The following PUS7 variants were observed in gnomAD, a reference collection of about 807,000 sequenced individuals.
PUS7 encodes pseudouridine synthase 7, also known as pseudouridylate synthase 7 homolog.
In PUS7, 48 loss-of-function variants were observed where a neutral mutation model predicts 79.8. That is an observed-to-expected ratio of 0.60 (90% CI 0.48 to 0.76). PUS7 has a LOEUF of 0.76. PUS7 is among the 30% of genes least tolerant of loss of function. The probability of loss-of-function intolerance (pLI) is 0.00; values close to 1 mark genes in which losing one functional copy is unlikely to be tolerated. For missense variants in PUS7, 729 were observed against 797.6 expected (o/e 0.91, Z 1.04); for synonymous variants, 286 against 272.2 (o/e 1.05, Z -0.50).
At chr7:105,505,895 A>T in intron 4 of PUS7, 60 bp downstream of exon 4, 4 of 1,318,236 alleles carry the variant, frequency 3.0e-6, no homozygotes, top group Non-Finnish European at 4.3e-6. Flanking sequence ...AACACTTAAC[A>T]TCCACCCAAA....
chr7:105,476,265 T>C (rs952869309), intron 9 of PUS7, among the ~76,000 whole-genome samples: 3 of 152,188 alleles, frequency 2.0e-5, no homozygotes, highest in Non-Finnish European at 4.4e-5. Context: ...ATGCTGCTAT[T>C]ATGAACATGA....
intron 7 of PUS7, among the ~76,000 whole-genome samples, chr7:105,487,036 G>A (rs1477230712): frequency 6.6e-6 from 1 of 151,630 alleles, no homozygotes; most frequent in African/African-American, 2.4e-5. Context: ...ACTCCAGCCT[G>A]GATAACAGAA....
intron 6 of PUS7, among the ~76,000 whole-genome samples, chr7:105,492,052 C>CAACAAAAAAAAAAAA (rs1824804326): frequency 8.5e-6 from 1 of 117,180 alleles, no homozygotes. Flanking sequence ...GACTCCGTCT[C>CAACAAAAAAAAAAAA]AAAAAAAAAA....
intron 5 of PUS7, chr7:105,497,060 G>A (rs776045483): frequency 4.8e-5 from 48 of 999,050 alleles, no homozygotes; most frequent in African/African-American, 2.7e-4. Context: ...GCAAATGATC[G>A]CATGGTTAAG....
chr7:105,472,920 C>CTTTTT (rs758552553), intron 9 of PUS7, among the ~76,000 whole-genome samples: 2 of 116,378 alleles, frequency 1.7e-5, no homozygotes, highest in African/African-American at 3.3e-5. Flanking sequence ...TGCCCAGCTA[C>CTTTTT]TTTTTTTTTT....
At chr7:105,475,359 A>G (rs1417344635) in intron 9 of PUS7, among the ~76,000 whole-genome samples, 6 of 151,264 alleles carry the variant, frequency 4.0e-5, no homozygotes, top group African/African-American at 9.7e-5. Context: ...CTAATTTTTT[A>G]TATTGTTAGT....
At chr7:105,465,628 T>G (rs818457) in intron 12 of PUS7, among the ~76,000 whole-genome samples, 133,793 of 152,030 alleles carry the variant, frequency 0.88, 60,100 homozygotes, top group South Asian at 0.97. Context: ...AGGTTGGGAG[T>G]TCGAGACCAG....
intron 7 of PUS7, among the ~76,000 whole-genome samples, chr7:105,488,992 C>T (rs1291235549): frequency 2.0e-5 from 3 of 151,752 alleles, no homozygotes; most frequent in Non-Finnish European, 2.9e-5. Flanking sequence ...ACTAAAAATA[C>T]AAGAAATTAG....
chr7:105,514,324 G>T (rs148722891), intron 1 of PUS7, among the ~76,000 whole-genome samples: 20,718 of 151,522 alleles, frequency 0.14, 1,814 homozygotes, highest in South Asian at 0.26. Context: ...AAAAAAGCTG[G>T]CTGGGCACAG....
At chr7:105,494,402 ATTTTTTTTTTTTT>A (rs756519297) in intron 6 of PUS7, among the ~76,000 whole-genome samples, 7 of 87,812 alleles carry the variant, frequency 8.0e-5, no homozygotes, top group East Asian at 4.0e-4. Flanking sequence ...ATGATCAGTG[ATTTTTTTTTTTTT>A]TTTTTTTTTT....
At chr7:105,481,686 T>C (rs1824326697) in intron 8 of PUS7, among the ~76,000 whole-genome samples, 1 of 151,980 alleles carries the variant, frequency 6.6e-6, no homozygotes, top group Admixed American at 6.6e-5. Context: ...TCTATGTCCA[T>C]GGATTTGCCT....
At chr7:105,488,600 G>A (rs1344089897) in intron 7 of PUS7, among the ~76,000 whole-genome samples, 1 of 152,126 alleles carries the variant, frequency 6.6e-6, no homozygotes, top group African/African-American at 2.4e-5. Flanking sequence ...AGCAAGAAAC[G>A]AGAAACAATG....
chr7:105,470,550 G>A (rs987221690), intron 11 of PUS7, 138 bp downstream of exon 11: 2 of 1,016,486 alleles, frequency 2.0e-6, no homozygotes, highest in Non-Finnish European at 2.7e-6. Flanking sequence ...AGACTACTCA[G>A]GTGAAACACC....
chr7:105,488,026 G>C (rs548780550), intron 7 of PUS7, among the ~76,000 whole-genome samples: 1 of 152,078 alleles, frequency 6.6e-6, no homozygotes, highest in African/African-American at 2.4e-5. Flanking sequence ...ACAAACTAAG[G>C]GTGTAGCCTG....
chr7:105,470,734 C>T lies in PUS7; in HGVS notation c.1352G>A (p.Gly451Glu). The T allele has an allele frequency of 1.2e-6, 2 of 1,610,666 alleles. No homozygotes were observed. The highest frequency in any genetic ancestry group is 2.2e-5 in the East Asian group (1 of 44,830). ...ATTCTTCATTCCATATTTTGAAAGTCCTCGAAGCAGCTGCCCTTCCACACA... is the reference window on the plus strand; with the variant it reads ...ATTCTTCATTCCATATTTTGAAAGTTCTCGAAGCAGCTGCCCTTCCACACA... ...KRCVEGQLLRGLSKYGMKNIV... is the reference protein window; with the variant it reads ...KRCVEGQLLRELSKYGMKNIV... The change falls in exon 11 of 16, where the codon GGA (glycine) becomes GAA (glutamate). Residue 451 changes from glycine to glutamate, a missense_variant. Gly to Glu is a moderately conservative substitution (Grantham distance 98). Coordinates refer to ENST00000469408, the MANE Select transcript of PUS7 (RefSeq NM_019042.5).
chr7:105,488,246 G>A (rs969338484), intron 7 of PUS7, among the ~76,000 whole-genome samples: 3 of 152,022 alleles, frequency 2.0e-5, no homozygotes, highest in Non-Finnish European at 2.9e-5. Flanking sequence ...ATCAGAAAAC[G>A]CAAAATAAAA....
chr7:105,493,718 T>C (rs2133186045), intron 6 of PUS7, among the ~76,000 whole-genome samples: 1 of 152,200 alleles, frequency 6.6e-6, no homozygotes, highest in South Asian at 2.1e-4. Context: ...ATACCAGGGG[T>C]GTGCGTGCAC....
At chr7:105,461,267 C>CT (rs1823415532) in intron 14 of PUS7, among the ~76,000 whole-genome samples, 3 of 152,318 alleles carry the variant, frequency 2.0e-5, no homozygotes, top group South Asian at 4.1e-4. Context: ...GTAAGCAAAT[C>CT]TAAGTTTTTA....
At chr7:105,512,357 T>C (rs1364529540) in intron 1 of PUS7, among the ~76,000 whole-genome samples, 1 of 152,112 alleles carries the variant, frequency 6.6e-6, no homozygotes, top group African/African-American at 2.4e-5. Flanking sequence ...ACGATTTCAC[T>C]CTCACCTTAC....
Sources: gnomAD v4.1 joint callset for allele counts (sites outside exome capture counted in the v4.1 genomes callset) on GRCh38, gnomAD v4.1.1 for gene constraint, MANE v1.5 for transcripts, NCBI Gene and HGNC (gene_info 2026-07-23, HGNC 2026-07-21) for gene names.